Variants in TARS3 observed in about 807,000 individuals in gnomAD.
The protein encoded by TARS3 is threonine--tRNA ligase 2, cytoplasmic.
TARS3 carries 94 observed loss-of-function variants against 103.5 expected under a neutral mutation model. The observed-to-expected ratio is 0.91, with a 90% CI of 0.77 to 1.08. The LOEUF (loss-of-function observed/expected upper bound fraction) is 1.08. TARS3 is among the 50% of genes least tolerant of loss of function. The pLI is 0.00. For missense variants in TARS3, 952 were observed against 995.2 expected (o/e 0.96, Z 0.58); for synonymous variants, 416 against 355.4 (o/e 1.17, Z -1.92).
intron 6 of TARS3, 147 bp downstream of exon 6, chr15:101,708,646 A>G: frequency 1.6e-6 from 1 of 634,664 alleles, no homozygotes. Flanking sequence ...ATGTCACAGC[A>G]AGTAACTGGT....
At chr15:101,665,042 T>C (rs1327029442) in intron 15 of TARS3, among the ~76,000 whole-genome samples, 2 of 152,220 alleles carry the variant, frequency 1.3e-5, no homozygotes, top group East Asian at 3.8e-4. Context: ...GTAAATAGAA[T>C]GTATCCAATC....
rs141036047 is a variant in TARS3, at chr15:101,701,381, A to C, written c.1222-197T>G. Among the ~76,000 whole-genome samples the C allele has an allele frequency of 6.6e-3, 1,000 of 152,322 alleles. 27 individuals carry two copies. Among genetic ancestry groups the C allele is most frequent in the Admixed American group, 0.038 (587 of 15,294 alleles). ...TTTATGCCTAATTAGCTTTGAACTT[A>C]GCTTTTACTTCACCTTCTGCTATTC... On this transcript the variant is annotated intron_variant, in intron 9 of 18. Coordinates refer to ENST00000335968, the MANE Select transcript of TARS3 (RefSeq NM_152334.3).
chr15:101,690,466 G>A (rs941039076), intron 10 of TARS3, among the ~76,000 whole-genome samples: 15 of 152,256 alleles, frequency 9.9e-5, no homozygotes, highest in Admixed American at 7.2e-4. Context: ...TGCTGTTCCT[G>A]TATTTCAACC....
At chr15:101,671,898 G>A in intron 13 of TARS3, 150 bp from the exon 14 acceptor site, 5 of 676,262 alleles carry the variant, frequency 7.4e-6, no homozygotes, top group Middle Eastern at 4.2e-4. Flanking sequence ...AAACTATTGA[G>A]CAGGGACTAC....
intron 9 of TARS3, 79 bp downstream of exon 9, chr15:101,702,160 G>A: frequency 6.5e-7 from 1 of 1,536,740 alleles, no homozygotes; most frequent in South Asian, 1.2e-5. Flanking sequence ...TATTTTTAAA[G>A]CAACTTAGTT....
At chr15:101,669,348 A>T (rs558796374) in intron 15 of TARS3, among the ~76,000 whole-genome samples, 1 of 152,252 alleles carries the variant, frequency 6.6e-6, no homozygotes, top group Non-Finnish European at 1.5e-5. Flanking sequence ...AAAAGATTCA[A>T]AAGTTTTAAA....
intron 16 of TARS3, among the ~76,000 whole-genome samples, 193 bp downstream of exon 16, chr15:101,661,519 A>G (rs569767312): frequency 4.0e-4 from 61 of 152,168 alleles, no homozygotes; most frequent in African/African-American, 1.2e-3. Flanking sequence ...GGCAAATCGA[A>G]TAAGAATTCT....
rs1196601185 is a variant in TARS3, at chr15:101,703,854, C to T, written c.1074+5G>A. On this transcript the variant is annotated splice_donor_5th_base_variant and intron_variant, in intron 8 of 18. Coordinates refer to ENST00000335968, the MANE Select transcript of TARS3 (RefSeq NM_152334.3). ...TTACTGTATTAAAAAAAAATCAATCCTTACCTTAAAAATTTTGATGGTTTT... is the reference window on the plus strand; with the variant it reads ...TTACTGTATTAAAAAAAAATCAATCTTTACCTTAAAAATTTTGATGGTTTT... 8 of 1,605,512 alleles carry T rather than the reference C, an allele frequency of 5.0e-6. No individual in the cohort carries two copies. Among genetic ancestry groups the T allele is most frequent in the Non-Finnish European group, 6.8e-6 (8 of 1,173,300 alleles).
chr15:101,701,369 A>G (rs1899266846), intron 9 of TARS3, among the ~76,000 whole-genome samples, 185 bp from the exon 10 acceptor site: 1 of 152,234 alleles, frequency 6.6e-6, no homozygotes, highest in Non-Finnish European at 1.5e-5. Flanking sequence ...ATGCCTAATT[A>G]GCTTTGAACT....
rs1567319586 is a variant in TARS3 at position 101,656,988 on chromosome 15, C to T, written c.2194G>A (p.Asp732Asn). ...TTCTTATTTAGTGTACAACTGTGAT[C>T]CAAGTCAACGTCAGCCATAAATCCT... ...EEGFMADVDL[D>N]HSCTLNKKIR... Residue 732 changes from aspartate (D) to asparagine (N), a missense_variant, in exon 18 of 19, where the codon GAT becomes AAT. By Grantham distance (23) the Asp-to-Asn change is conservative. Coordinates refer to ENST00000335968, the MANE Select transcript of TARS3 (RefSeq NM_152334.3). The T allele has an allele frequency of 1.2e-6, 2 of 1,613,932 alleles. No individual in the cohort carries two copies. The highest frequency in any genetic ancestry group is 8.5e-7 in the Non-Finnish European group (1 of 1,179,890).
intron 8 of TARS3, 41 bp from the exon 9 acceptor site, chr15:101,702,426 C>G (rs371148348): frequency 7.7e-5 from 119 of 1,544,744 alleles, no homozygotes; most frequent in Non-Finnish European, 9.1e-5. Flanking sequence ...ATCATACATT[C>G]AGTTGTAAGT....
rs767638416 is a variant in TARS3, at chr15:101,711,882, G to T, written c.810C>A (p.Asp270Glu). Reference sequence around the variant, plus strand: ...CAAGCCAGTATTCAGTGTGTTACCTGTCTTCAATGAACATGTCATAATAAA... The same window carrying T: ...CAAGCCAGTATTCAGTGTGTTACCTTTCTTCAATGAACATGTCATAATAAA... ...NGFYYDMFIE[D>E]RAVSSTELSA... The change falls in exon 5 of 19, where the codon GAC becomes GAA. Residue 270 changes from aspartate (D) to glutamate (E), a missense_variant and splice_region_variant. Asp to Glu is a conservative substitution (Grantham distance 45). Around this residue, in one of 2 missense-constraint regions of TARS3, gnomAD observed 412 missense variants for 364.2 expected, o/e 1.13. Transcript: ENST00000335968. 20 of 1,613,734 alleles carry T rather than the reference G, an allele frequency of 1.2e-5. No homozygotes were observed. The highest frequency in any genetic ancestry group is 1.7e-5 in the Non-Finnish European group (20 of 1,179,748).
chr15:101,685,813 A>G (rs1010077811), intron 11 of TARS3, 83 bp downstream of exon 11: 46 of 1,181,108 alleles, frequency 3.9e-5, no homozygotes, highest in Non-Finnish European at 5.4e-5. Context: ...GGACTCTTTC[A>G]TTCCACAAAG....
chr15:101,683,071 CTTTTG>C lies in TARS3; in HGVS notation c.1650+999_1650+1003del, dbSNP rs1004010970. Among the ~76,000 whole-genome samples the C allele has an allele frequency of 4.6e-5, 7 of 152,206 alleles. No individual in the cohort carries two copies. The East Asian group carries it at 9.6e-4, about 21-fold the overall frequency. On this transcript the variant is annotated intron_variant, in intron 12 of 18. Coordinates refer to ENST00000335968, the MANE Select transcript of TARS3 (RefSeq NM_152334.3). ...TTTATTGATCTTCTCAGAGAACCAG[CTTTTG>C]TTTTATTTTTACTCTTTATTTTCTA...
At chr15:101,655,272 C>T (rs554034737) in intron 18 of TARS3, among the ~76,000 whole-genome samples, 7 of 140,630 alleles carry the variant, frequency 5.0e-5, no homozygotes, top group African/African-American at 1.9e-4. Flanking sequence ...CTCTTACAGG[C>T]TCACAGTGAC....
chr15:101,682,259 G>C (rs1898285014), intron 12 of TARS3, among the ~76,000 whole-genome samples: 1 of 152,102 alleles, frequency 6.6e-6, no homozygotes, highest in Non-Finnish European at 1.5e-5. Flanking sequence ...GTTAGCTGTA[G>C]GTTTTTCATA....
At chr15:101,696,458 G>C (rs1418297618) in intron 10 of TARS3, among the ~76,000 whole-genome samples, 1 of 152,054 alleles carries the variant, frequency 6.6e-6, no homozygotes, top group East Asian at 1.9e-4. Context: ...CCCAATGCGA[G>C]AACCACCCAC....
chr15:101,676,079 A>G (rs1898014701), intron 12 of TARS3, among the ~76,000 whole-genome samples: 1 of 152,244 alleles, frequency 6.6e-6, no homozygotes, highest in African/African-American at 2.4e-5. Flanking sequence ...CTCTGTGAGC[A>G]GAGGACACAC....
At chr15:101,681,759 T>C (rs1275064819) in intron 12 of TARS3, among the ~76,000 whole-genome samples, 1 of 152,192 alleles carries the variant, frequency 6.6e-6, no homozygotes, top group Non-Finnish European at 1.5e-5. Context: ...CATAATCTCA[T>C]CTACACCTAA....
Sources: gnomAD v4.1 joint callset for allele counts (sites outside exome capture counted in the v4.1 genomes callset) on GRCh38, gnomAD v4.1.1 for gene constraint, gnomAD v4.1.1 regional missense constraint, MANE v1.5 for transcripts, NCBI Gene and HGNC (gene_info 2026-07-23, HGNC 2026-07-21) for gene names.